Variants in PACRG observed in about 807,000 individuals in gnomAD.
PACRG encodes the protein parkin coregulated, also known as parkin coregulated gene protein.
A neutral mutation model predicts 29.7 loss-of-function variants in PACRG; 29 were observed. That is an observed-to-expected ratio of 0.98 (90% CI 0.73 to 1.33). PACRG has a LOEUF of 1.33. Ranked by LOEUF, PACRG falls within the 40% of genes most tolerant of loss-of-function variation. The probability of loss-of-function intolerance (pLI) is 0.00; values close to 1 mark genes in which losing one functional copy is unlikely to be tolerated. For synonymous variants in PACRG, 116 were observed against 118.7 expected (o/e 0.98, Z 0.15); for missense variants, 279 against 316.2 (o/e 0.88, Z 0.89).
chr6:163,131,845 CT>C (rs975210095), intron 4 of PACRG, among the ~76,000 whole-genome samples: 2 of 152,204 alleles, frequency 1.3e-5, no homozygotes, highest in African/African-American at 4.8e-5. Context: ...TGCATAACCC[CT>C]ACCACAATAC....
At chr6:162,945,814 T>A (rs1798961200) in intron 2 of PACRG, among the ~76,000 whole-genome samples, 1 of 152,040 alleles carries the variant, frequency 6.6e-6, no homozygotes, top group Non-Finnish European at 1.5e-5. Context: ...TAGACCACAA[T>A]GAAATCAAAC....
chr6:163,210,397 A>G (rs753011208), intron 4 of PACRG, among the ~76,000 whole-genome samples: 3 of 152,248 alleles, frequency 2.0e-5, no homozygotes, highest in Non-Finnish European at 2.9e-5. Flanking sequence ...ACATGAGGAC[A>G]AAGAAAATTC....
intron 2 of PACRG, among the ~76,000 whole-genome samples, chr6:162,868,917 C>T (rs138871154): frequency 8.8e-4 from 134 of 152,306 alleles, no homozygotes; most frequent in African/African-American, 3.1e-3. Flanking sequence ...CTGATAGCTG[C>T]TGACACAGGG....
At chr6:163,079,890 CTTTTTTTTTTT>C (rs67162530) in intron 3 of PACRG, among the ~76,000 whole-genome samples, 9 of 78,694 alleles carry the variant, frequency 1.1e-4, no homozygotes, top group African/African-American at 4.9e-4. Context: ...AGCAGTCATT[CTTTTTTTTTTT>C]TTTTTTTTTT....
chr6:162,918,303 T>G (rs1796835921), intron 2 of PACRG, among the ~76,000 whole-genome samples: 1 of 152,244 alleles, frequency 6.6e-6, no homozygotes, highest in African/African-American at 2.4e-5. Context: ...GACGTCCATA[T>G]GAATACCAAA....
chr6:162,885,490 C>T (rs890212601), intron 2 of PACRG, among the ~76,000 whole-genome samples: 14 of 150,042 alleles, frequency 9.3e-5, no homozygotes, highest in East Asian at 1.9e-4. Flanking sequence ...ATGTTGATCT[C>T]GAACTCCTGA....
At chr6:163,217,633 A>G (rs1237913019) in intron 4 of PACRG, among the ~76,000 whole-genome samples, 2 of 152,110 alleles carry the variant, frequency 1.3e-5, no homozygotes, top group Non-Finnish European at 2.9e-5. Flanking sequence ...GCAAGGCTTC[A>G]TTTCATCTCT....
intron 4 of PACRG, among the ~76,000 whole-genome samples, chr6:163,288,547 G>A (rs1006617243): frequency 1.3e-5 from 2 of 152,162 alleles, no homozygotes; most frequent in Non-Finnish European, 2.9e-5. Context: ...AAAGAGTTTC[G>A]CGACTGTCAT....
chr6:163,151,397 C>T (rs1347912322), intron 4 of PACRG, among the ~76,000 whole-genome samples: 2 of 152,170 alleles, frequency 1.3e-5, no homozygotes, highest in Admixed American at 6.5e-5. Flanking sequence ...CAGCAACACA[C>T]ACTTCACGAT....
At chr6:162,872,004 T>A (rs1013592013) in intron 2 of PACRG, among the ~76,000 whole-genome samples, 1 of 152,148 alleles carries the variant, frequency 6.6e-6, no homozygotes, top group South Asian at 2.1e-4. Flanking sequence ...TTCCAAACAC[T>A]GTAAGATATG....
At chr6:163,012,535 C>T (rs369816395) in intron 2 of PACRG, among the ~76,000 whole-genome samples, 1 of 152,226 alleles carries the variant, frequency 6.6e-6, no homozygotes, top group Non-Finnish European at 1.5e-5. Context: ...TGCTGCACAC[C>T]AGGGCTGCTG....
intron 3 of PACRG, among the ~76,000 whole-genome samples, chr6:163,070,605 T>A (rs573549435): frequency 6.6e-6 from 1 of 151,880 alleles, no homozygotes; most frequent in East Asian, 1.9e-4. Flanking sequence ...ATTACCTTCC[T>A]TCACTAAGAG....
chr6:162,791,307 G>GTTTTTTTTTTTTTTTTT (rs141410582), intron 1 of PACRG, among the ~76,000 whole-genome samples: 1 of 117,880 alleles, frequency 8.5e-6, no homozygotes. Context: ...TAGTTTGTTT[G>GTTTTTTTTTTTTTTTTT]TTTGTTTTTT....
intron 4 of PACRG, among the ~76,000 whole-genome samples, chr6:163,130,508 C>A (rs938932456): frequency 2.6e-5 from 4 of 152,178 alleles, no homozygotes; most frequent in Non-Finnish European, 5.9e-5. Context: ...GGTACATGAA[C>A]AAGCTCTTAG....
chr6:163,088,819 CCTT>C (rs1418151083), intron 3 of PACRG, among the ~76,000 whole-genome samples: 1 of 152,064 alleles, frequency 6.6e-6, no homozygotes, highest in Non-Finnish European at 1.5e-5. Flanking sequence ...GCCTCACCCT[CCTT>C]CCCAAATGTT....
In PACRG at chr6:163,240,084, A is replaced by C. The variant is rs1209650659; in HGVS notation, c.614-74743A>C. Among the ~76,000 whole-genome samples, 52 of 135,582 alleles carry C rather than the reference A, an allele frequency of 3.8e-4. 1 individual carries two copies. Among genetic ancestry groups the C allele is most frequent in the African/African-American group, 1.1e-3 (41 of 37,892 alleles). 88.9% of individuals were successfully genotyped at this position (135,582 alleles called of 152,430 possible). The stretch of plus-strand genomic sequence containing the variant: ...CACACTCACACCTCCACCCCCCCAC[A>C]CACACTCACACACACAACTGACGCT... On this transcript the variant is annotated intron_variant, in intron 4 of 4. Transcript: ENST00000366888.
At chr6:162,887,032 C>T (rs1345127701) in intron 2 of PACRG, among the ~76,000 whole-genome samples, 3 of 152,044 alleles carry the variant, frequency 2.0e-5, no homozygotes, top group Non-Finnish European at 2.9e-5. Context: ...CTCAGCCTCC[C>T]GAGTAGCTGG....
At chr6:162,874,151 A>ATATATAT (rs1554296144) in intron 2 of PACRG, among the ~76,000 whole-genome samples, 184 of 136,284 alleles carry the variant, frequency 1.4e-3, no homozygotes, top group East Asian at 3.7e-3. Context: ...AAAAAAAAAA[A>ATATATAT]ATATATATAT....
chr6:163,292,966 A>G (rs1784666510), intron 4 of PACRG, among the ~76,000 whole-genome samples: 1 of 152,182 alleles, frequency 6.6e-6, no homozygotes, highest in African/African-American at 2.4e-5. Context: ...TTTTTTTCAA[A>G]GATAGAAATA....
Sources: gnomAD v4.1 joint callset for allele counts (sites outside exome capture counted in the v4.1 genomes callset) on GRCh38, gnomAD v4.1.1 for gene constraint, MANE v1.5 for transcripts, NCBI Gene and HGNC (gene_info 2026-07-23, HGNC 2026-07-21) for gene names.